NMNAT3: variants seen among roughly 807,000 people sequenced by gnomAD.
NMNAT3 encodes the protein nicotinamide nucleotide adenylyltransferase 3.
In NMNAT3, 21 loss-of-function variants were observed where a neutral mutation model predicts 24.8. The observed-to-expected ratio is 0.85, with a 90% CI of 0.60 to 1.22. NMNAT3 has a LOEUF of 1.22. Among genes scored for constraint, NMNAT3 ranks in the 50% most tolerant of loss-of-function variants. The probability of loss-of-function intolerance (pLI) is 0.00; values close to 1 mark genes in which losing one functional copy is unlikely to be tolerated. For missense variants in NMNAT3, 387 were observed against 436.6 expected, an observed-to-expected ratio of 0.89 and a Z score of 1.01; for synonymous variants, 136 against 155.2, an observed-to-expected ratio of 0.88 and a Z score of 0.92.
At chr3:139,598,079 T>C (rs2108206814) in intron 3 of NMNAT3, among the ~76,000 whole-genome samples, 1 of 152,340 alleles carries the variant, frequency 6.6e-6, no homozygotes, top group South Asian at 2.1e-4. Flanking sequence ...TAAATAGAAT[T>C]AGATAACAGA....
At chr3:139,658,867 T>C (rs924035450) in intron 1 of NMNAT3, among the ~76,000 whole-genome samples, 1 of 138,778 alleles carries the variant, frequency 7.2e-6, no homozygotes, top group Non-Finnish European at 1.5e-5. Flanking sequence ...CTCCAACCCC[T>C]CTCAACATAT....
chr3:139,606,550 C>G (rs1489585305), intron 3 of NMNAT3, among the ~76,000 whole-genome samples: 1 of 152,132 alleles, frequency 6.6e-6, no homozygotes, highest in Non-Finnish European at 1.5e-5. Context: ...AATATGTGTC[C>G]TGTAAGAAAA....
chr3:139,606,528 G>A (rs1343149379), intron 3 of NMNAT3, among the ~76,000 whole-genome samples: 2 of 152,114 alleles, frequency 1.3e-5, no homozygotes, highest in African/African-American at 2.4e-5. Context: ...TTCCCCCTGC[G>A]TATCTGTAAA....
chr3:139,657,356 T>A (rs546716739), intron 1 of NMNAT3, among the ~76,000 whole-genome samples: 3 of 152,390 alleles, frequency 2.0e-5, no homozygotes, highest in African/African-American at 7.2e-5. Flanking sequence ...AGTAAATTGT[T>A]CTTCTTCCTG....
intron 1 of NMNAT3, among the ~76,000 whole-genome samples, chr3:139,658,565 A>C (rs1426630496): frequency 1.3e-5 from 2 of 152,224 alleles, no homozygotes; most frequent in African/African-American, 4.8e-5. Flanking sequence ...AAAGAATTTT[A>C]AAGTGAACAT....
Position 139,583,047 on chromosome 3 carries a change from C to T in NMNAT3, c.271G>A (p.Glu91Lys). 1.2e-6 allele frequency: 2 copies of T among 1,607,642 alleles called. No individual in the cohort carries two copies. The highest frequency in any genetic ancestry group is 4.5e-5 in the East Asian group (2 of 44,816). Reference sequence around the variant, plus strand: ...TCATTCAAATCACAGAACGCTTGTTCTTCAGTTCTTTTGCGTTTAAAAGAT... The same window carrying T: ...TCATTCAAATCACAGAACGCTTGTTTTTCAGTTCTTTTGCGTTTAAAAGAT... Residue 91 changes from glutamate to lysine, a missense_variant, in exon 4 of 7, where the codon GAA (glutamate) becomes AAA (lysine). Around this residue, in one of 3 missense-constraint regions of NMNAT3, gnomAD observed 323 missense variants for 345.2 expected, o/e 0.94. Transcript: ENST00000643695.
intron 6 of NMNAT3, among the ~76,000 whole-genome samples, chr3:139,562,488 G>A (rs1487072170): frequency 6.6e-6 from 1 of 152,192 alleles, no homozygotes; most frequent in African/African-American, 2.4e-5. Context: ...AAAGACTGGG[G>A]TCCCAGAGTA....
At chr3:139,637,292 A>G (rs1456490362) in intron 2 of NMNAT3, 1 of 151,938 alleles carries the variant, frequency 6.6e-6, no homozygotes, top group African/African-American at 2.4e-5. Context: ...ATGACTCAAG[A>G]TGATAGACCA....
At chr3:139,635,186 A>G (rs1006113356) in intron 2 of NMNAT3, 1 of 152,184 alleles carries the variant, frequency 6.6e-6, no homozygotes, top group Non-Finnish European at 1.5e-5. Context: ...ACCTTGTTTG[A>G]AAAAGACCTC....
At chr3:139,636,322 A>C (rs2056498828) in intron 2 of NMNAT3, 1 of 149,538 alleles carries the variant, frequency 6.7e-6, no homozygotes, top group African/African-American at 2.5e-5. Context: ...AAAGGGAAAA[A>C]AATACACCTA....
At chr3:139,675,531 G>C (rs573833673) in intron 1 of NMNAT3, among the ~76,000 whole-genome samples, 1 of 152,282 alleles carries the variant, frequency 6.6e-6, no homozygotes, top group South Asian at 2.1e-4. Context: ...TGACAGTGCA[G>C]CTGCCCAGGA....
chr3:139,595,714 G>T (rs568051861), intron 3 of NMNAT3, among the ~76,000 whole-genome samples: 12,262 of 152,066 alleles, frequency 0.081, 1,080 homozygotes, highest in East Asian at 0.37. Flanking sequence ...ATGGGGAAAG[G>T]ATTCCCTATT....
In NMNAT3 at chr3:139,631,807, C is replaced by G. The variant is rs1013941754; in HGVS notation, c.-40-4043G>C. Among the ~76,000 whole-genome samples the G allele has an allele frequency of 2.0e-5, 3 of 152,174 alleles. No individual in the cohort carries two copies. In the East Asian group the frequency reaches 5.8e-4, roughly 29 times the overall value. ...GGTTTTCTCCCTGGAATATTTACCT[C>G]CCCCCTACTGCCCTCACCACCATGC... On this transcript the variant is annotated intron_variant, in intron 2 of 6. Transcript: ENST00000643695.
At chr3:139,619,708 A>G (rs1362350955) in intron 3 of NMNAT3, among the ~76,000 whole-genome samples, 3 of 152,216 alleles carry the variant, frequency 2.0e-5, no homozygotes, top group African/African-American at 7.2e-5. Flanking sequence ...TGACAAGTGA[A>G]GGTTGGCAGG....
chr3:139,576,383 A>G, intron 5 of NMNAT3: 1 of 554,606 alleles, frequency 1.8e-6, no homozygotes, highest in Non-Finnish European at 2.3e-6. Flanking sequence ...TGACTGTAAC[A>G]GTGATTCTCA....
chr3:139,615,450 T>TCTAC (rs2055445740), intron 3 of NMNAT3, among the ~76,000 whole-genome samples: 1 of 149,918 alleles, frequency 6.7e-6, no homozygotes, highest in Admixed American at 6.7e-5. Context: ...TATCTATCTA[T>TCTAC]CTATCTATCT....
At chr3:139,578,820 C>A in intron 5 of NMNAT3, 52 bp downstream of exon 5, 1 of 1,509,864 alleles carries the variant, frequency 6.6e-7, no homozygotes, top group Non-Finnish European at 9.0e-7. Context: ...GTAAGCTCTG[C>A]AGACATCTCC....
chr3:139,636,358 A>T (rs1369288581), intron 2 of NMNAT3: 2 of 152,136 alleles, frequency 1.3e-5, no homozygotes, highest in African/African-American at 4.8e-5. Context: ...TACCATAACT[A>T]AATTTGTTAT....
chr3:139,591,618 A>G (rs1017711156), intron 3 of NMNAT3, among the ~76,000 whole-genome samples: 1 of 152,184 alleles, frequency 6.6e-6, no homozygotes, highest in African/African-American at 2.4e-5. Flanking sequence ...GCAGCTGGAG[A>G]TCTGAGAACG....
Sources: allele counts gnomAD v4.1 joint callset (sites outside exome capture counted in the v4.1 genomes callset), GRCh38; gene constraint gnomAD v4.1.1; regional missense constraint gnomAD v4.1.1; transcripts MANE v1.5; gene names NCBI Gene and HGNC (gene_info 2026-07-23, HGNC 2026-07-21).